Variants in CHD7 observed in about 807,000 individuals in gnomAD.
The protein encoded by CHD7 is chromodomain helicase DNA binding protein 7, also known as ATP-dependent chromatin remodeler CHD7.
Under a neutral mutation model 307.3 loss-of-function variants are expected in CHD7, and 24 were observed. The observed-to-expected ratio is 0.08, with a 90% CI of 0.06 to 0.11. CHD7 has a LOEUF of 0.11. CHD7 is among the 10% of genes least tolerant of loss of function. The pLI is 1.00. For synonymous variants in CHD7, 1,363 were observed against 1,349.9 expected, an observed-to-expected ratio of 1.01 and a Z score of -0.21; for missense variants, 3,106 against 3,727.1, an observed-to-expected ratio of 0.83 and a Z score of 4.34.
At chr8:60,817,480 T>G (rs1467539415) in intron 8 of CHD7, among the ~76,000 whole-genome samples, 2 of 152,232 alleles carry the variant, frequency 1.3e-5, no homozygotes, top group Non-Finnish European at 2.9e-5. Context: ...TGGTCCCAAC[T>G]GGCCTATGGT....
At chr8:60,785,760 C>G (rs1050895593) in intron 3 of CHD7, among the ~76,000 whole-genome samples, 1 of 151,968 alleles carries the variant, frequency 6.6e-6, no homozygotes, top group Non-Finnish European at 1.5e-5. Flanking sequence ...CCTAAATAGT[C>G]AGATATCTTC....
At chr8:60,749,741 A>G (rs1809534589) in intron 2 of CHD7, among the ~76,000 whole-genome samples, 1 of 152,236 alleles carries the variant, frequency 6.6e-6, no homozygotes, top group African/African-American at 2.4e-5. Flanking sequence ...GGCAAAAGAA[A>G]TCACTGCTTT....
At chr8:60,799,889 A>AG (rs1812212094) in intron 4 of CHD7, among the ~76,000 whole-genome samples, 1 of 151,724 alleles carries the variant, frequency 6.6e-6, no homozygotes, top group South Asian at 2.1e-4. Context: ...CAGGCGTCTG[A>AG]CTCCAGATTT....
At chr8:60,680,668 T>C (rs535833572) in intron 1 of CHD7, among the ~76,000 whole-genome samples, 3 of 152,298 alleles carry the variant, frequency 2.0e-5, no homozygotes, top group Non-Finnish European at 4.4e-5. Context: ...GAGGTCACTT[T>C]TAGAGACTGC....
At chr8:60,706,563 T>G (rs1032705274) in intron 1 of CHD7, among the ~76,000 whole-genome samples, 3 of 152,158 alleles carry the variant, frequency 2.0e-5, no homozygotes, top group African/African-American at 7.2e-5. Context: ...AGGATTTTGC[T>G]CTAATTATTG....
intron 2 of CHD7, among the ~76,000 whole-genome samples, chr8:60,749,329 C>G (rs141919283): frequency 5.1e-4 from 69 of 134,832 alleles, no homozygotes; most frequent in African/African-American, 2.0e-3. Context: ...CAAGATCATG[C>G]CACTGCACTC....
In CHD7 at chr8:60,845,339, G is replaced by A. The variant is rs763563180; in HGVS notation, c.5140G>A (p.Ala1714Thr). ...QPVVQDADWL[A>T]SCNPDALFQE... ...GGTGGTGCAGGATGCCGACTGGCTG[G>A]CCAGCTGCAACCCAGATGCCCTGTT... is the stretch of plus-strand genomic sequence containing the variant. Residue 1714 changes from alanine (A) to threonine (T), a missense_variant, in exon 23 of 38, where the codon GCC becomes ACC. By Grantham distance (58) the Ala-to-Thr change is moderately conservative. This residue lies in a region of CHD7 where 1,030 missense variants were observed against 1,165.4 expected (regional missense o/e 0.88). Transcript: ENST00000423902. The A allele has an allele frequency of 6.2e-7, 1 of 1,614,006 alleles. No homozygotes were observed. The highest frequency in any genetic ancestry group is 1.1e-5 in the South Asian group (1 of 91,088).
chr8:60,683,474 A>G (rs1805730841), intron 1 of CHD7, among the ~76,000 whole-genome samples: 1 of 152,238 alleles, frequency 6.6e-6, no homozygotes, highest in African/African-American at 2.4e-5. Flanking sequence ...AAAAATTGTA[A>G]ATGAAATCAC....
At chr8:60,685,519 G>A (rs1368041197) in intron 1 of CHD7, among the ~76,000 whole-genome samples, 2 of 152,174 alleles carry the variant, frequency 1.3e-5, no homozygotes, top group Non-Finnish European at 2.9e-5. Flanking sequence ...CCGGCACGTG[G>A]GTGGCAGGTC....
rs376893919 is a variant in CHD7, at chr8:60,823,833, C to T, written c.3202-7C>T. ...TGCTTAATAATAATTCAGAGTTGTT[C>T]TTATAGGGTCGAGTGATAAAGGGGT... On this transcript the variant is annotated splice_polypyrimidine_tract_variant and splice_region_variant and intron_variant, in intron 12 of 37. Coordinates refer to ENST00000423902, the MANE Select transcript of CHD7 (RefSeq NM_017780.4). 5.6e-6 allele frequency: 9 copies of T among 1,611,332 alleles called. No individual in the cohort carries two copies. The highest frequency in any genetic ancestry group is 4.5e-5 in the East Asian group (2 of 44,848).
Position 60,828,653 on chromosome 8 carries a change from G to A in CHD7, c.3379-10G>A. On this transcript the variant is annotated splice_polypyrimidine_tract_variant and intron_variant, in intron 13 of 37. Transcript: ENST00000423902. Reference sequence around the variant, plus strand: ...CAATTTGGTTAGTGGCTTTCCTTGTGTTACCTCAGGAACACAAAGTGCTGC... The same window carrying A: ...CAATTTGGTTAGTGGCTTTCCTTGTATTACCTCAGGAACACAAAGTGCTGC... 1 of 1,593,662 alleles carries A rather than the reference G, an allele frequency of 6.3e-7. No homozygotes were observed. Among genetic ancestry groups the A allele is most frequent in the Non-Finnish European group, 8.5e-7 (1 of 1,171,258 alleles).
rs77454387 is a variant in CHD7 at position 60,850,317 on chromosome 8, C to G, written c.5405-176C>G. On this transcript the variant is annotated intron_variant, in intron 25 of 37. Coordinates refer to ENST00000423902, the MANE Select transcript of CHD7 (RefSeq NM_017780.4). ...AGTGTAACTTGGCTCCCAGTAGCTT[C>G]CCTAGAAGGAGCGTTCCATAGAATG... is the stretch of plus-strand genomic sequence containing the variant. Among the ~76,000 whole-genome samples, 6,465 of 152,268 alleles carry G rather than the reference C, an allele frequency of 0.042. 159 individuals are homozygous for G. Among genetic ancestry groups the G allele is most frequent in the Non-Finnish European group, 0.058 (3,928 of 68,016 alleles).
rs570609542 is a variant in CHD7 at position 60,845,423 on chromosome 8, G to C, written c.5210+14G>C. ...TCACTGTAACAAGTATGTTATTAGA[G>C]GGTGGACCTGGAGAGCTTAATTCCC... On this transcript the variant is annotated intron_variant, in intron 23 of 37. Transcript: ENST00000423902. The C allele has an allele frequency of 1.2e-5, 20 of 1,612,946 alleles. 1 individual carries two copies. Among genetic ancestry groups the C allele is most frequent in the South Asian group, 7.7e-5 (7 of 90,950 alleles).
chr8:60,864,384 TG>T (rs1279183326), intron 37 of CHD7: 1 of 152,318 alleles, frequency 6.6e-6, no homozygotes, highest in Non-Finnish European at 1.5e-5. Context: ...CCTCCCAAAG[TG>T]TTGGGATTAC....
At chr8:60,768,924 T>C (rs148365595) in intron 2 of CHD7, among the ~76,000 whole-genome samples, 5 of 152,350 alleles carry the variant, frequency 3.3e-5, no homozygotes, top group African/African-American at 1.2e-4. Context: ...TACATTCTTA[T>C]TCATCACCCC....
intron 6 of CHD7, among the ~76,000 whole-genome samples, chr8:60,807,246 G>A (rs1802972998): frequency 6.6e-6 from 1 of 152,170 alleles, no homozygotes; most frequent in African/African-American, 2.4e-5. Context: ...CATTTCGGAG[G>A]TGGCTGAACA....
rs1466804175 is a variant in CHD7, at chr8:60,729,313, A to AT, written c.-174-11940dup. Reference sequence around the variant, plus strand: ...AGTGAGATATGTGGTCTGTCAGAACATTTTTTGCCAAACCTTTATTTATAT... The same window carrying AT: ...AGTGAGATATGTGGTCTGTCAGAACATTTTTTTGCCAAACCTTTATTTATAT... On this transcript the variant is annotated intron_variant, in intron 1 of 37. Coordinates refer to ENST00000423902, the MANE Select transcript of CHD7 (RefSeq NM_017780.4). 5.9e-5 allele frequency among the ~76,000 whole-genome samples: 9 copies of AT among 152,266 alleles called. 1 individual carries two copies. The East Asian group carries it at 1.7e-3, about 29-fold the overall frequency.
intron 7 of CHD7, among the ~76,000 whole-genome samples, chr8:60,812,328 A>C (rs1160653436): frequency 6.6e-6 from 1 of 152,118 alleles, no homozygotes; most frequent in African/African-American, 2.4e-5. Context: ...TCATGGCTCT[A>C]ATTTAATTCT....
chr8:60,865,814 G>A lies in CHD7; in HGVS notation c.8875G>A (p.Glu2959Lys), dbSNP rs774166245. 2.5e-6 allele frequency: 4 copies of A among 1,613,978 alleles called. No individual in the cohort carries two copies. The highest frequency in any genetic ancestry group is 3.4e-6 in the Non-Finnish European group (4 of 1,179,868). Residue 2959 changes from glutamate (E) to lysine (K), a missense_variant, in exon 38 of 38, where the codon GAG becomes AAG. By Grantham distance (56) the Glu-to-Lys change is moderately conservative. This residue lies in a region of CHD7 where 351 missense variants were observed against 366.2 expected (regional missense o/e 0.96). Coordinates refer to ENST00000423902, the MANE Select transcript of CHD7 (RefSeq NM_017780.4). This position sits in a 1 kb window ranked among gnomAD's most constrained non-coding sequence, Gnocchi z 4.3. The part of the protein sequence containing the change: ...DGETLEGSDA[E>K]ESLDKTAESS... ...AGAGACCCTTGAAGGCAGCGATGCC[G>A]AGGAGAGCCTGGATAAGACTGCAGA... is the stretch of plus-strand genomic sequence containing the variant.
Sources: gnomAD v4.1 joint callset for allele counts (sites outside exome capture counted in the v4.1 genomes callset) on GRCh38, gnomAD v4.1.1 for gene constraint, gnomAD v4.1.1 regional missense constraint, Gnocchi (gnomAD v3.1) non-coding constraint, MANE v1.5 for transcripts, NCBI Gene and HGNC (gene_info 2026-07-23, HGNC 2026-07-21) for gene names.